Variants in DNAJA2 observed in about 807,000 individuals in gnomAD.
DNAJA2 encodes the protein dnaJ homolog subfamily A member 2.
Under a neutral mutation model 49.3 loss-of-function variants are expected in DNAJA2, and 6 were observed. The ratio of observed to expected loss-of-function variants is 0.12; its 90% CI spans 0.07 to 0.24. The LOEUF is 0.24. Among genes scored for constraint, DNAJA2 ranks in the 10% least tolerant of loss-of-function variants. The probability of loss-of-function intolerance (pLI) is 1.00; values close to 1 mark genes in which losing one functional copy is unlikely to be tolerated. For synonymous variants in DNAJA2, 160 were observed against 172.7 expected (o/e 0.93, Z 0.58); for missense variants, 347 against 516.8 (o/e 0.67, Z 3.19).
At chr16:46,958,333 T>C (rs374622785) in intron 8 of DNAJA2, among the ~76,000 whole-genome samples, 86 of 151,748 alleles carry the variant, frequency 5.7e-4, no homozygotes, top group African/African-American at 1.9e-3. Flanking sequence ...AGGTGGATCA[T>C]GAGGTCAGGA....
At chr16:46,960,650 G>A (rs372173311) in intron 6 of DNAJA2, among the ~76,000 whole-genome samples, 48 of 152,116 alleles carry the variant, frequency 3.2e-4, no homozygotes, top group East Asian at 3.9e-4. Context: ...GTGGTGGCAC[G>A]CGCCTGTAGT....
intron 4 of DNAJA2, 27 bp from the exon 5 acceptor site, chr16:46,967,673 G>A: frequency 1.9e-6 from 3 of 1,613,782 alleles, no homozygotes; most frequent in Non-Finnish European, 2.5e-6. Flanking sequence ...TTATGCATTA[G>A]GTTTTTGTCC....
chr16:46,967,459 T>A (rs1300960486), intron 5 of DNAJA2, 54 bp downstream of exon 5: 1 of 1,606,038 alleles, frequency 6.2e-7, no homozygotes, highest in African/African-American at 1.3e-5. Context: ...CTCTCCAATA[T>A]CTGCATTCCC....
intron 3 of DNAJA2, among the ~76,000 whole-genome samples, chr16:46,970,626 T>C (rs1181556034): frequency 5.4e-5 from 8 of 147,258 alleles, no homozygotes; most frequent in Admixed American, 2.8e-4. Flanking sequence ...TCCCAGCTAC[T>C]TGGGGGGCTG....
intron 6 of DNAJA2, among the ~76,000 whole-genome samples, chr16:46,963,535 A>AAAAC (rs984002405): frequency 6.6e-6 from 1 of 151,564 alleles, no homozygotes; most frequent in African/African-American, 2.4e-5. Flanking sequence ...AAAACCCCAA[A>AAAAC]AAACAAACAA....
chr16:46,965,648 C>A (rs566549902), intron 5 of DNAJA2, among the ~76,000 whole-genome samples: 4 of 147,894 alleles, frequency 2.7e-5, no homozygotes, highest in Non-Finnish European at 4.5e-5. Flanking sequence ...CTGGCCAACA[C>A]GGCAAAACCC....
In DNAJA2 at chr16:46,959,425, A is replaced by T. The variant is rs1252752155; in HGVS notation, c.775-6T>A. On this transcript the variant is annotated splice_region_variant and splice_polypyrimidine_tract_variant and intron_variant, in intron 6 of 8. Transcript: ENST00000317089. Reference sequence around the variant, plus strand: ...TTCCCATCTCTCTGAAATACCTATAAATAAAGCACAAAAGAAATACATTTT... The same window carrying T: ...TTCCCATCTCTCTGAAATACCTATATATAAAGCACAAAAGAAATACATTTT... The T allele has an allele frequency of 6.2e-7, 1 of 1,604,844 alleles. No individual in the cohort carries two copies. Among genetic ancestry groups the T allele is most frequent in the Admixed American group, 1.7e-5 (1 of 58,704 alleles).
chr16:46,959,384 T>C lies in DNAJA2; in HGVS notation c.810A>G (p.Thr270=). ...GAGCTTCAACAAGTCCTATTTTATATGTCATGTGCAAATCATTCCCATCTC... is the reference window on the plus strand; with the variant it reads ...GAGCTTCAACAAGTCCTATTTTATACGTCATGTGCAAATCATTCCCATCTC... ...FQRDGNDLHM[T]YKIGLVEALC... Residue 270 remains threonine, a synonymous_variant, in exon 7 of 9, where the codon ACA becomes ACG. Coordinates refer to ENST00000317089, the MANE Select transcript of DNAJA2 (RefSeq NM_005880.4). 1 of 1,613,560 alleles carries C rather than the reference T, an allele frequency of 6.2e-7. No individual in the cohort carries two copies. The highest frequency in any genetic ancestry group is 8.5e-7 in the Non-Finnish European group (1 of 1,179,604).
chr16:46,965,045 T>G (rs897103361), intron 5 of DNAJA2, among the ~76,000 whole-genome samples: 1 of 152,020 alleles, frequency 6.6e-6, no homozygotes, highest in Non-Finnish European at 1.5e-5. Flanking sequence ...CAGTGAGACC[T>G]TGCCTCTACT....
Position 46,970,730 on chromosome 16 carries a change from CAAAAAAAAAAAA to C in DNAJA2, c.362+607_362+618del, listed in dbSNP as rs10523905. ...AACCCGGGCGACAGGGACTCCATTT[CAAAAAAAAAAAA>C]AAAAAAAAAAAAAAGGTCGGGCACA... On this transcript the variant is annotated intron_variant, in intron 3 of 8. Transcript: ENST00000317089. Among the ~76,000 whole-genome samples, 6 of 32,200 alleles carry C rather than the reference CAAAAAAAAAAAA, an allele frequency of 1.9e-4. No homozygotes were observed. The South Asian group carries it at 6.8e-3, about 36-fold the overall frequency. The allele number at this position is 32,200 out of a possible 152,430, so 21.1% of individuals were successfully genotyped here.
intron 8 of DNAJA2, among the ~76,000 whole-genome samples, chr16:46,958,317 C>T (rs1172647945): frequency 1.3e-5 from 2 of 151,492 alleles, no homozygotes; most frequent in Middle Eastern, 3.2e-3. Flanking sequence ...TTTGGGAGGC[C>T]GAGGCAGGTG....
chr16:46,959,608 T>G, intron 6 of DNAJA2, 189 bp from the exon 7 acceptor site: 1 of 535,292 alleles, frequency 1.9e-6, no homozygotes, highest in Middle Eastern at 5.0e-4. Flanking sequence ...TGTGAGAAAC[T>G]TCCATGAGGA....
rs1269888937 is a variant in DNAJA2 at position 46,956,810 on chromosome 16, G to A, written c.*219C>T. On this transcript the variant is annotated 3_prime_UTR_variant, in exon 9 of 9. Transcript: ENST00000317089. ...AAGGGAGTCTTGTTTCCTTTCAAGT[G>A]CTTTATTCTGCTATGGAACAGTCAA... 2 of 494,296 alleles carry A rather than the reference G, an allele frequency of 4.0e-6. No homozygotes were observed. Among genetic ancestry groups the A allele is most frequent in the Admixed American group, 7.3e-5 (2 of 27,490 alleles). The allele number at this position is 494,296 out of a possible 1,614,324, so 30.6% of individuals were successfully genotyped here.
chr16:46,961,834 T>G (rs972101267), intron 6 of DNAJA2, among the ~76,000 whole-genome samples: 14 of 151,162 alleles, frequency 9.3e-5, no homozygotes, highest in Non-Finnish European at 1.5e-4. Flanking sequence ...CACTTAGAAG[T>G]CATATTTCTG....
rs911337920 is a variant in DNAJA2, at chr16:46,973,668, A to C, written c.-96T>G. On this transcript the variant is annotated 5_prime_UTR_variant, in exon 1 of 9. Coordinates refer to ENST00000317089, the MANE Select transcript of DNAJA2 (RefSeq NM_005880.4). ...CGTCGGCGGCGGCACAGGCCGAGGG[A>C]GACAGCGAGGGGGAAGCGGGGGCGG... is the stretch of plus-strand genomic sequence containing the variant. 14 of 1,327,584 alleles carry C rather than the reference A, an allele frequency of 1.1e-5. No individual in the cohort carries two copies. The highest frequency in any genetic ancestry group is 3.0e-5 in the African/African-American group (2 of 66,370). The allele number at this position is 1,327,584 out of a possible 1,614,324, so 82.2% of individuals were successfully genotyped here.
In DNAJA2 at chr16:46,973,522, G is replaced by A. The variant is rs143068034; in HGVS notation, c.51C>T (p.Pro17=). Residue 17 remains proline, a synonymous_variant, in exon 1 of 9, where the codon CCC becomes CCT. Transcript: ENST00000317089. The part of the protein sequence containing the change: ...TKLYDILGVP[P]GASENELKKA... ...TCTTCAGCTCGTTCTCGCTGGCGCC[G>A]GGCGGGACGCCCAGGATGTCGTACA... 4.0e-4 allele frequency: 639 copies of A among 1,602,654 alleles called. 4 individuals are homozygous for A. The African/African-American group carries it at 6.5e-3, about 16-fold the overall frequency.
In DNAJA2 at chr16:46,956,970, T is replaced by C. The variant is rs1961824298; in HGVS notation, c.*59A>G. 1.3e-6 allele frequency: 2 copies of C among 1,593,210 alleles called. No individual in the cohort carries two copies. The highest frequency in any genetic ancestry group is 1.7e-6 in the Non-Finnish European group (2 of 1,161,232). On this transcript the variant is annotated 3_prime_UTR_variant, in exon 9 of 9. Transcript: ENST00000317089. Reference sequence around the variant, plus strand: ...TGATAAGACACTCCAGCTGGATTGCTGAGAACAAATCAGGCAAATGTGGAA... The same window carrying C: ...TGATAAGACACTCCAGCTGGATTGCCGAGAACAAATCAGGCAAATGTGGAA...
Position 46,973,662 on chromosome 16 carries a change from C to A in DNAJA2, c.-90G>T, listed in dbSNP as rs983358792. ...AAGCGGCGTCGGCGGCGGCACAGGCCGAGGGAGACAGCGAGGGGGAAGCGG... is the reference window on the plus strand; with the variant it reads ...AAGCGGCGTCGGCGGCGGCACAGGCAGAGGGAGACAGCGAGGGGGAAGCGG... On this transcript the variant is annotated 5_prime_UTR_variant, in exon 1 of 9. Coordinates refer to ENST00000317089, the MANE Select transcript of DNAJA2 (RefSeq NM_005880.4). The A allele has an allele frequency of 2.2e-6, 3 of 1,374,996 alleles. No individual in the cohort carries two copies. The highest frequency in any genetic ancestry group is 1.2e-5 in the South Asian group (1 of 81,434). 85.2% of individuals were successfully genotyped at this position (1,374,996 alleles called of 1,614,324 possible).
chr16:46,959,678 A>C (rs1261074679), intron 6 of DNAJA2: 2 of 363,482 alleles, frequency 5.5e-6, no homozygotes, highest in African/African-American at 2.0e-5. Flanking sequence ...GAGGCCCTCA[A>C]AACAGTGCCA....
Sources: gnomAD v4.1 joint callset for allele counts (sites outside exome capture counted in the v4.1 genomes callset) on GRCh38, gnomAD v4.1.1 for gene constraint, MANE v1.5 for transcripts, NCBI Gene and HGNC (gene_info 2026-07-23, HGNC 2026-07-21) for gene names.